INTU: variants seen among roughly 807,000 people sequenced by gnomAD.
INTU encodes protein inturned.
Under a neutral mutation model 100.5 loss-of-function variants are expected in INTU, and 68 were observed. The observed-to-expected ratio is 0.68, with a 90% confidence interval of 0.56 to 0.83. The LOEUF (loss-of-function observed/expected upper bound fraction) is 0.83. Among genes scored for constraint, INTU ranks in the 40% least tolerant of loss-of-function variants. The probability of loss-of-function intolerance (pLI) is 0.00; values close to 1 mark genes in which losing one functional copy is unlikely to be tolerated. For missense variants in INTU, 1,071 were observed against 1,114.7 expected, an observed-to-expected ratio of 0.96 and a Z score of 0.56; for synonymous variants, 357 against 395.7, an observed-to-expected ratio of 0.90 and a Z score of 1.16.
intron 13 of INTU, among the ~76,000 whole-genome samples, chr4:127,710,691 A>G (rs1316381720): frequency 6.6e-6 from 1 of 152,174 alleles, no homozygotes; most frequent in Non-Finnish European, 1.5e-5. Context: ...CATAACATGT[A>G]GTATTTGCCT....
chr4:127,676,476 C>A (rs145687164), intron 6 of INTU, among the ~76,000 whole-genome samples: 5,990 of 151,624 alleles, frequency 0.04, 341 homozygotes, highest in African/African-American at 0.13. Context: ...GTTCCAGCTA[C>A]TTGGGAGGCT....
chr4:127,660,180 T>A (rs1728414287), intron 3 of INTU, among the ~76,000 whole-genome samples: 1 of 151,822 alleles, frequency 6.6e-6, no homozygotes. Flanking sequence ...TGACCGGGGA[T>A]GGAGGAGGAG....
intron 7 of INTU, chr4:127,686,607 A>T (rs1441056952): frequency 6.6e-6 from 1 of 152,182 alleles, no homozygotes; most frequent in African/African-American, 2.4e-5. Context: ...ATCAGCTCAA[A>T]TGCCCTTTCT....
intron 3 of INTU, 119 bp downstream of exon 3, chr4:127,656,840 C>G: frequency 2.0e-6 from 1 of 504,872 alleles, no homozygotes; most frequent in Non-Finnish European, 3.5e-6. Flanking sequence ...ATGAGTTACA[C>G]TGATACTTGC....
At chr4:127,637,665 A>C (rs1319365284) in intron 1 of INTU, among the ~76,000 whole-genome samples, 1 of 152,140 alleles carries the variant, frequency 6.6e-6, no homozygotes, top group African/African-American at 2.4e-5. Flanking sequence ...CTTGCATTTC[A>C]GCCATTTGAT....
At chr4:127,676,855 G>A (rs894167042) in intron 6 of INTU, among the ~76,000 whole-genome samples, 2 of 152,160 alleles carry the variant, frequency 1.3e-5, no homozygotes, top group African/African-American at 4.8e-5. Context: ...TCAAAGAAAG[G>A]GGTGACAGAC....
chr4:127,683,305 T>G (rs1729667899), intron 6 of INTU, among the ~76,000 whole-genome samples: 1 of 152,184 alleles, frequency 6.6e-6, no homozygotes, highest in Non-Finnish European at 1.5e-5. Context: ...CTCTTTACCC[T>G]TCTCTTAAAT....
intron 2 of INTU, among the ~76,000 whole-genome samples, chr4:127,644,999 G>A (rs1013211924): frequency 6.6e-6 from 1 of 152,160 alleles, no homozygotes; most frequent in African/African-American, 2.4e-5. Context: ...ATGTTTTAGT[G>A]GAAGAGACGG....
chr4:127,640,105 G>T (rs1038745333), intron 1 of INTU, among the ~76,000 whole-genome samples: 1 of 152,018 alleles, frequency 6.6e-6, no homozygotes, highest in East Asian at 1.9e-4. Context: ...AGAAACACAA[G>T]AGTTATATCT....
chr4:127,643,593 T>C lies in INTU; in HGVS notation c.219T>C (p.Asp73=). The C allele has an allele frequency of 6.2e-7, 1 of 1,613,088 alleles. No individual in the cohort carries two copies. Among genetic ancestry groups the C allele is most frequent in the Non-Finnish European group, 8.5e-7 (1 of 1,179,744 alleles). Residue 73 remains aspartate (D), a synonymous_variant, in exon 2 of 16, where the codon GAT becomes GAC. Transcript: ENST00000335251. ...GELFYLELSE[D]EEESLLPETP... ...TGTTTTATTTGGAATTGAGTGAGGA[T>C]GAAGAAGAAAGCCTCCTTCCTGAGA...
At chr4:127,672,291 C>G (rs182909547) in intron 5 of INTU, among the ~76,000 whole-genome samples, 1 of 152,242 alleles carries the variant, frequency 6.6e-6, no homozygotes, top group Admixed American at 6.5e-5. Flanking sequence ...AACCCCTGGG[C>G]AACTGCTAAT....
At chr4:127,700,123 A>C in intron 9 of INTU, 60 bp downstream of exon 9, 1 of 1,213,382 alleles carries the variant, frequency 8.2e-7, no homozygotes, top group East Asian at 2.4e-5. Context: ...TATAACAGTC[A>C]TTATTCTAAA....
chr4:127,717,330 G>GT lies in INTU; in HGVS notation c.*895dup, dbSNP rs1731283448. 1 of 152,078 alleles carries GT rather than the reference G, an allele frequency of 6.6e-6. No individual in the cohort carries two copies. The highest frequency in any genetic ancestry group is 2.4e-5 in the African/African-American group (1 of 41,396). 9.4% of individuals were successfully genotyped at this position (152,078 alleles called of 1,614,324 possible). On this transcript the variant is annotated 3_prime_UTR_variant, in exon 16 of 16. Coordinates refer to ENST00000335251, the MANE Select transcript of INTU (RefSeq NM_015693.4). ...AGAGGACATGATCTCATACCTTTTT[G>GT]TGGCTGCATAGTATTCCATGGTGTA...
At chr4:127,695,347 T>G (rs1730336026) in intron 8 of INTU, among the ~76,000 whole-genome samples, 1 of 152,218 alleles carries the variant, frequency 6.6e-6, no homozygotes, top group Non-Finnish European at 1.5e-5. Flanking sequence ...GGCTTATGCC[T>G]GTAATCCCAG....
rs908252948 is a variant in INTU, at chr4:127,704,250, G to A, written c.1526G>A (p.Arg509Lys). ...AELSEDYYDMRRLYTILGSSL... is the reference protein window; with the variant it reads ...AELSEDYYDMKRLYTILGSSL... ...CAGTCCGAGGATTACTATGACATGA[G>A]GCGGCTGTATACAATTTTGGGGTCT... Residue 509 changes from arginine (R) to lysine (K), a missense_variant, in exon 10 of 16, where the codon AGG becomes AAG. Coordinates refer to ENST00000335251, the MANE Select transcript of INTU (RefSeq NM_015693.4). The A allele has an allele frequency of 6.2e-7, 1 of 1,610,536 alleles. No homozygotes were observed. Among genetic ancestry groups the A allele is most frequent in the Non-Finnish European group, 8.5e-7 (1 of 1,178,108 alleles).
At chr4:127,658,061 T>C (rs1437929622) in intron 3 of INTU, among the ~76,000 whole-genome samples, 1 of 152,164 alleles carries the variant, frequency 6.6e-6, no homozygotes. Context: ...GAATCCCTGA[T>C]AAATCAGAAT....
At chr4:127,704,049 A>T (rs1278490363) in intron 9 of INTU, among the ~76,000 whole-genome samples, 179 bp from the exon 10 acceptor site, 2 of 152,228 alleles carry the variant, frequency 1.3e-5, no homozygotes, top group Non-Finnish European at 2.9e-5. Context: ...TTCTCAGTGA[A>T]GTAAACGTAT....
At chr4:127,644,179 C>T (rs936835920) in intron 2 of INTU, 123 bp downstream of exon 2, 2 of 1,015,402 alleles carry the variant, frequency 2.0e-6, no homozygotes, top group Admixed American at 5.5e-5. Context: ...TGATTAATGA[C>T]ATTTGGTACA....
At chr4:127,653,940 C>A (rs1003268457) in intron 2 of INTU, among the ~76,000 whole-genome samples, 2 of 151,732 alleles carry the variant, frequency 1.3e-5, no homozygotes, top group Non-Finnish European at 2.9e-5. Context: ...GGATAGTTAG[C>A]TCTTCTTGTT....
Sources: allele counts gnomAD v4.1 joint callset (sites outside exome capture counted in the v4.1 genomes callset), GRCh38; gene constraint gnomAD v4.1.1; transcripts MANE v1.5; gene names NCBI Gene and HGNC (gene_info 2026-07-23, HGNC 2026-07-21).